The following TRPM1 variants were observed in gnomAD, a reference collection of about 807,000 sequenced individuals.
TRPM1 encodes the protein TRPM1-203 APA Isoform, Intron 10.
A neutral mutation model predicts 149.4 loss-of-function variants in TRPM1; 113 were observed. That is an observed-to-expected ratio of 0.76 (90% CI 0.65 to 0.88). The LOEUF (loss-of-function observed/expected upper bound fraction) is 0.88, where lower values mean the gene tolerates loss of function less well. TRPM1 is among the 40% of genes least tolerant of loss of function. The pLI is 0.00. For missense variants in TRPM1, 1,976 were observed against 2,038.7 expected (o/e 0.97, Z 0.59); for synonymous variants, 741 against 759.5 (o/e 0.98, Z 0.40).
chr15:31,028,191 GAC>G, intron 25 of TRPM1, 139 bp downstream of exon 25: 1 of 973,066 alleles, frequency 1.0e-6, no homozygotes, highest in Non-Finnish European at 1.6e-6. Context: ...TGAACAAAGA[GAC>G]TGCAAAAATT....
upstream of TRPM1, among the ~76,000 whole-genome samples, chr15:31,102,131 A>T (rs1219452852): frequency 1.3e-5 from 2 of 152,230 alleles, no homozygotes; most frequent in African/African-American, 4.8e-5. Flanking sequence ...AATTACTGCT[A>T]ATCCTTCCTC....
intron 17 of TRPM1, among the ~76,000 whole-genome samples, chr15:31,041,747 G>C (rs2140929660): frequency 6.6e-6 from 1 of 152,320 alleles, no homozygotes; most frequent in East Asian, 1.9e-4. Context: ...GCAAAGAGAA[G>C]GCAGTACACA....
At chr15:31,064,212 A>G (rs969976085) in intron 7 of TRPM1, among the ~76,000 whole-genome samples, 3 of 152,258 alleles carry the variant, frequency 2.0e-5, no homozygotes, top group African/African-American at 4.8e-5. Context: ...TAAGTAGCAT[A>G]CAAATGAGGT....
chr15:31,039,927 G>T (rs554861528), intron 18 of TRPM1, among the ~76,000 whole-genome samples, 191 bp downstream of exon 18: 1 of 152,322 alleles, frequency 6.6e-6, no homozygotes, highest in South Asian at 2.1e-4. Flanking sequence ...GACCAGCTAA[G>T]ATCCTAGGCA....
intron 11 of TRPM1, among the ~76,000 whole-genome samples, chr15:31,052,268 T>C (rs1261085150): frequency 2.6e-5 from 4 of 152,094 alleles, no homozygotes; most frequent in Admixed American, 2.6e-4. Context: ...CTGGTCAACA[T>C]ACAAATATGG....
At chr15:31,097,659 TA>T (rs1425058811) in intron 1 of TRPM1, among the ~76,000 whole-genome samples, 3 of 152,054 alleles carry the variant, frequency 2.0e-5, no homozygotes, top group Admixed American at 2.0e-4. Context: ...CACAGAACTC[TA>T]AAGTGTAAAC....
chr15:31,080,390 T>C (rs1330373201), intron 2 of TRPM1, among the ~76,000 whole-genome samples: 1 of 152,206 alleles, frequency 6.6e-6, no homozygotes, highest in Non-Finnish European at 1.5e-5. Context: ...ATATTTATTA[T>C]GAGGCTCTGG....
Position 31,002,780 on chromosome 15 carries a change from T to C in TRPM1, c.3920A>G (p.Glu1307Gly). ...TGGTGACGTGGAGAGAGATGTATCCTCAAATAATAACTCTTCTCCGTTAAA... is the reference window on the plus strand; with the variant it reads ...TGGTGACGTGGAGAGAGATGTATCCCCAAATAATAACTCTTCTCCGTTAAA... ...YHFNGEELLF[E>G]DTSLSTSPGT... The change falls in exon 28 of 28, where the codon GAG becomes GGG. Residue 1307 changes from glutamate to glycine, a missense_variant. Glu to Gly is a moderately conservative substitution (Grantham distance 98, BLOSUM62 -2). Around this residue, in one of 3 missense-constraint regions of TRPM1, gnomAD observed 572 missense variants for 578.9 expected, o/e 0.99. Transcript: ENST00000256552. 1 of 1,614,230 alleles carries C rather than the reference T, an allele frequency of 6.2e-7. No individual in the cohort carries two copies. The highest frequency in any genetic ancestry group is 1.1e-5 in the South Asian group (1 of 91,082).
chr15:31,150,694 A>G (rs1470737773), intron 1 of TRPM1, among the ~76,000 whole-genome samples: 1 of 152,154 alleles, frequency 6.6e-6, no homozygotes, highest in Non-Finnish European at 1.5e-5. Flanking sequence ...TCAGCCTCCC[A>G]AAGTGCTGGG....
rs183516482 is a variant in TRPM1, at chr15:31,132,170, C to A, written c.54+28736G>T. ...TGGGTTTGCATGGGCCTATTGGCAG[C>A]CGGGTTGACCCCAAGGTTGGGCACA... On this transcript the variant is annotated intron_variant, in intron 1 of 26. Transcript: ENST00000542188. Among the ~76,000 whole-genome samples the A allele has an allele frequency of 5.2e-3, 789 of 152,336 alleles. 7 individuals are homozygous for A. The highest frequency in any genetic ancestry group is 0.018 in the African/African-American group (761 of 41,576).
At chr15:31,120,807 G>A (rs553636599) in intron 1 of TRPM1, among the ~76,000 whole-genome samples, 1 of 151,592 alleles carries the variant, frequency 6.6e-6, no homozygotes, top group South Asian at 2.1e-4. Context: ...AATAACAGGA[G>A]TCAAAGAAAA....
At chr15:31,141,740 T>C (rs1423975396) in intron 1 of TRPM1, among the ~76,000 whole-genome samples, 2 of 152,242 alleles carry the variant, frequency 1.3e-5, no homozygotes, top group Non-Finnish European at 2.9e-5. Flanking sequence ...AAGCAAGTTG[T>C]AGAAGATTTG....
At chr15:31,050,863 CACTTG>C (rs772618512) in intron 11 of TRPM1, among the ~76,000 whole-genome samples, 49 of 152,318 alleles carry the variant, frequency 3.2e-4, no homozygotes, top group Admixed American at 1.1e-3. Context: ...CACAAACACA[CACTTG>C]ACTTGATGCA....
intron 19 of TRPM1, 58 bp downstream of exon 19, chr15:31,037,986 T>A (rs2033473771): frequency 6.2e-7 from 1 of 1,613,380 alleles, no homozygotes; most frequent in Middle Eastern, 1.7e-4. Flanking sequence ...ACAAGAAATC[T>A]CAACAATTTT....
upstream of TRPM1, among the ~76,000 whole-genome samples, chr15:31,103,065 G>A (rs560880212): frequency 6.6e-6 from 1 of 152,364 alleles, no homozygotes; most frequent in East Asian, 1.9e-4. Context: ...GACCACATGG[G>A]GAAGTGAGCT....
intron 7 of TRPM1, among the ~76,000 whole-genome samples, chr15:31,064,208 G>C (rs1432615162): frequency 6.6e-6 from 1 of 152,214 alleles, no homozygotes; most frequent in African/African-American, 2.4e-5. Flanking sequence ...ACGTTAAGTA[G>C]CATACAAATG....
At chr15:31,146,169 A>G (rs1396480684) in intron 1 of TRPM1, among the ~76,000 whole-genome samples, 1 of 152,182 alleles carries the variant, frequency 6.6e-6, no homozygotes, top group Non-Finnish European at 1.5e-5. Flanking sequence ...AAATGTTTGC[A>G]CGCAGCCATC....
At chr15:31,113,361 G>T (rs893203590) in intron 1 of TRPM1, among the ~76,000 whole-genome samples, 1 of 151,892 alleles carries the variant, frequency 6.6e-6, no homozygotes, top group African/African-American at 2.4e-5. Flanking sequence ...GGGCCACCAT[G>T]GACTGTCACA....
intron 1 of TRPM1, among the ~76,000 whole-genome samples, chr15:31,095,645 A>C (rs1400198677): frequency 1.3e-5 from 2 of 152,124 alleles, no homozygotes; most frequent in Non-Finnish European, 2.9e-5. Context: ...AGATCACACC[A>C]CTGCACTCCA....
Sources: allele counts gnomAD v4.1 joint callset (sites outside exome capture counted in the v4.1 genomes callset), GRCh38; gene constraint gnomAD v4.1.1; regional missense constraint gnomAD v4.1.1; transcripts MANE v1.5; gene names NCBI Gene and HGNC (gene_info 2026-07-23, HGNC 2026-07-21).